Variants in LPAR2 observed in about 807,000 individuals in gnomAD.
LPAR2 encodes G protein-coupled receptor.
Under a neutral mutation model 15.6 loss-of-function variants are expected in LPAR2, and 10 were observed. The ratio of observed to expected loss-of-function variants is 0.64; its 90% CI spans 0.39 to 1.09. The LOEUF (loss-of-function observed/expected upper bound fraction) is 1.09, where lower values mean the gene tolerates loss of function less well. Among genes scored for constraint, LPAR2 ranks in the 50% least tolerant of loss-of-function variants. The pLI is 0.01. For missense variants in LPAR2, 413 were observed against 484.6 expected (o/e 0.85, Z 1.39); for synonymous variants, 204 against 207.4 (o/e 0.98, Z 0.14).
At position 19,624,521 on chromosome 19, in the gene LPAR2, T is replaced by C; in HGVS notation, c.791A>G (p.Asp264Gly). 1 of 1,613,230 alleles carries C rather than the reference T, an allele frequency of 6.2e-7. No individual in the cohort carries two copies. The change falls in exon 3 of 3, where the codon GAT becomes GGT. Residue 264 changes from aspartate to glycine, a missense_variant. Coordinates refer to ENST00000407877, the MANE Select transcript of LPAR2 (RefSeq NM_004720.7). ...ATTGCAGGACTCACAGCCTAAACCA[T>C]CCAGGAGCAGTACCACCTGGCCTGG...
rs1409943843 is a variant in LPAR2, at chr19:19,627,437, G to GA, written c.1-154dup. 10 of 708,626 alleles carry GA rather than the reference G, an allele frequency of 1.4e-5. No homozygotes were observed. The highest frequency in any genetic ancestry group is 3.5e-5 in the African/African-American group (2 of 56,842). The allele number at this position is 708,626 out of a possible 1,614,324, so 43.9% of individuals were successfully genotyped here. Reference sequence around the variant, plus strand: ...CAGTGGTGAGGACTACGGTGGCCTGGAAAAAGCAAGCTCCATGGGGCTGGG... The same window carrying GA: ...CAGTGGTGAGGACTACGGTGGCCTGGAAAAAAGCAAGCTCCATGGGGCTGGG... On this transcript the variant is annotated intron_variant, in intron 1 of 2. Coordinates refer to ENST00000407877, the MANE Select transcript of LPAR2 (RefSeq NM_004720.7). The surrounding 1 kb of genome is among the most constrained non-coding windows in gnomAD (Gnocchi z 4.7).
chr19:19,627,060 G>T lies in LPAR2; in HGVS notation c.225C>A (p.Ala75=). Residue 75 remains alanine, a synonymous_variant, in exon 2 of 3, where the codon GCC becomes GCA. Coordinates refer to ENST00000407877, the MANE Select transcript of LPAR2 (RefSeq NM_004720.7). This position sits in a 1 kb window ranked among gnomAD's most constrained non-coding sequence, Gnocchi z 4.7. ...CCACGCCCGCGAAGAGGTCAGCCGC[G>T]GCCAGATTGCCGAGCAGGTAGTAGA... The T allele has an allele frequency of 6.2e-7, 1 of 1,613,678 alleles. No homozygotes were observed.
At position 19,627,745 on chromosome 19, in the gene LPAR2, G is replaced by A. The variant is rs873870; in HGVS notation, c.-1+347C>T. On this transcript the variant is annotated intron_variant, in intron 1 of 2. Coordinates refer to ENST00000407877, the MANE Select transcript of LPAR2 (RefSeq NM_004720.7). This position sits in a 1 kb window ranked among gnomAD's most constrained non-coding sequence, Gnocchi z 4.7. The stretch of plus-strand genomic sequence containing the variant: ...GGGAGCGTGTGCACACAAGGGTGAG[G>A]TCACTTGCTAGAACCCTGCGAGGGG... 0.48 allele frequency: 87,337 copies of A among 181,368 alleles called. 21,537 individuals are homozygous for A. The highest frequency in any genetic ancestry group is 0.52 in the African/African-American group (21,830 of 41,890). 11.2% of individuals were successfully genotyped at this position (181,368 alleles called of 1,614,324 possible).
chr19:19,625,782 CAAAAAAA>C (rs34230172), intron 2 of LPAR2, among the ~76,000 whole-genome samples: 1 of 76,340 alleles, frequency 1.3e-5, no homozygotes, highest in African/African-American at 5.5e-5. Context: ...GACTCTGTCT[CAAAAAAA>C]AAAAAAAAAA....
Position 19,627,532 on chromosome 19 carries a change from T to C in LPAR2, c.1-248A>G, listed in dbSNP as rs940831633. On this transcript the variant is annotated intron_variant, in intron 1 of 2. Coordinates refer to ENST00000407877, the MANE Select transcript of LPAR2 (RefSeq NM_004720.7). The surrounding 1 kb of genome is among the most constrained non-coding windows in gnomAD (Gnocchi z 4.7). ...GTGTGCAAGACATCACCCAAGTCAA[T>C]AGGTTTTTGAACCAGAAGTGAAACA... The C allele has an allele frequency of 3.0e-5, 15 of 499,836 alleles. No homozygotes were observed. The highest frequency in any genetic ancestry group is 2.1e-4 in the African/African-American group (11 of 51,694). 31.0% of individuals were successfully genotyped at this position (499,836 alleles called of 1,614,324 possible).
chr19:19,626,471 C>G lies in LPAR2; in HGVS notation c.742+72G>C. 3 of 1,514,342 alleles carry G rather than the reference C, an allele frequency of 2.0e-6. No homozygotes were observed. The South Asian group carries it at 4.0e-5, about 20-fold the overall frequency. 93.8% of individuals were successfully genotyped at this position (1,514,342 alleles called of 1,614,324 possible). ...CCTCTATCAGGTAGCTTGTTTTGTT[C>G]ATTGCTTCGCAGTGTCTTGTGGGAG... On this transcript the variant is annotated intron_variant, in intron 2 of 2. Transcript: ENST00000407877. The surrounding 1 kb of genome is among the most constrained non-coding windows in gnomAD (Gnocchi z 5.3).
At position 19,626,322 on chromosome 19, in the gene LPAR2, GT is replaced by G. The variant is rs2061739526; in HGVS notation, c.742+220del. On this transcript the variant is annotated intron_variant, in intron 2 of 2. Transcript: ENST00000407877. The surrounding 1 kb of genome is among the most constrained non-coding windows in gnomAD (Gnocchi z 5.3). ...GGCTCTGGCCTCGTACTGCCTTGAGGTTTTTACTTTCCGTTTCCTCTGCCTG... is the reference window on the plus strand; with the variant it reads ...GGCTCTGGCCTCGTACTGCCTTGAGGTTTTACTTTCCGTTTCCTCTGCCTG... Among the ~76,000 whole-genome samples, 1 of 152,340 alleles carries G rather than the reference GT, an allele frequency of 6.6e-6. No homozygotes were observed. The highest frequency in any genetic ancestry group is 2.1e-4 in the South Asian group (1 of 4,828).
At position 19,627,554 on chromosome 19, in the gene LPAR2, AAC is replaced by A. The variant is rs1162290026; in HGVS notation, c.1-272_1-271del. The A allele has an allele frequency of 2.2e-6, 1 of 446,422 alleles. No individual in the cohort carries two copies. Among genetic ancestry groups the A allele is most frequent in the Non-Finnish European group, 4.1e-6 (1 of 245,710 alleles). The allele number at this position is 446,422 out of a possible 1,614,324, so 27.7% of individuals were successfully genotyped here. On this transcript the variant is annotated intron_variant, in intron 1 of 2. Transcript: ENST00000407877. This position sits in a 1 kb window ranked among gnomAD's most constrained non-coding sequence, Gnocchi z 4.7. ...CAATAGGTTTTTGAACCAGAAGTGA[AAC>A]AAAACCCATCTATGGTCGAATCCCA... is the stretch of plus-strand genomic sequence containing the variant.
In LPAR2 at chr19:19,624,429, ACACAGCAG is replaced by A; in HGVS notation, c.875_882del (p.Ala292ValfsTer7). The A allele has an allele frequency of 6.2e-7, 1 of 1,614,182 alleles. No individual in the cohort carries two copies. The stretch of plus-strand genomic sequence containing the variant: ...CGCATCTCAGCATCTCGGCAAGAGT[ACACAGCAG>A]CATTGACCAGGGAGTTGGCCTCGGC... On this transcript the variant is annotated frameshift_variant, in exon 3 of 3. Coordinates refer to ENST00000407877, the MANE Select transcript of LPAR2 (RefSeq NM_004720.7). LOFTEE classifies it low-confidence loss of function (END_TRUNC).
chr19:19,625,539 C>T (rs901745864), intron 2 of LPAR2, among the ~76,000 whole-genome samples: 1 of 151,914 alleles, frequency 6.6e-6, no homozygotes, highest in Non-Finnish European at 1.5e-5. Flanking sequence ...AATCCCAGCA[C>T]TTTGGGAGGC....
chr19:19,626,926 G>A lies in LPAR2; in HGVS notation c.359C>T (p.Ala120Val), dbSNP rs1452286318. 2 of 1,605,462 alleles carry A rather than the reference G, an allele frequency of 1.2e-6. No homozygotes were observed. The highest frequency in any genetic ancestry group is 1.7e-6 in the Non-Finnish European group (2 of 1,176,652). Residue 120 changes from alanine to valine, a missense_variant, in exon 2 of 3, where the codon GCC becomes GTC. Coordinates refer to ENST00000407877, the MANE Select transcript of LPAR2 (RefSeq NM_004720.7). This position sits in a 1 kb window ranked among gnomAD's most constrained non-coding sequence, Gnocchi z 5.3. Reference sequence around the variant, plus strand: ...CTCCACGGCGATGGCCAGCAGTGTGGCCACCGACGCAGTGAGGCTTGTGTC... The same window carrying A: ...CTCCACGGCGATGGCCAGCAGTGTGACCACCGACGCAGTGAGGCTTGTGTC...
rs2061728943 is a variant in LPAR2, at chr19:19,624,314, G to A, written c.998C>T (p.Ala333Val). The stretch of plus-strand genomic sequence containing the variant: ...CTCGGGAAGCATGATGCGAGTGCTG[G>A]CACCTCCCTGGGCAGAGGATGTATA... The change falls in exon 3 of 3, where the codon GCC (alanine) becomes GTC (valine). Residue 333 changes from alanine (A) to valine (V), a missense_variant. Transcript: ENST00000407877. The A allele has an allele frequency of 6.2e-7, 1 of 1,613,258 alleles. No individual in the cohort carries two copies. The highest frequency in any genetic ancestry group is 1.7e-5 in the Admixed American group (1 of 60,000).
chr19:19,626,687 CA>C lies in LPAR2; in HGVS notation c.597del (p.Val200SerfsTer67). On this transcript the variant is annotated frameshift_variant, in exon 2 of 3. Coordinates refer to ENST00000407877, the MANE Select transcript of LPAR2 (RefSeq NM_004720.7). LOFTEE classifies it high-confidence loss of function. This position sits in a 1 kb window ranked among gnomAD's most constrained non-coding sequence, Gnocchi z 5.3. The stretch of plus-strand genomic sequence containing the variant: ...TACACAGCCACCATGAGCAGGAAGA[CA>C]AGCAGGCTCGACAGAGCCCAGACGG... 1 of 1,613,656 alleles carries C rather than the reference CA, an allele frequency of 6.2e-7. No individual in the cohort carries two copies. Among genetic ancestry groups the C allele is most frequent in the Non-Finnish European group, 8.5e-7 (1 of 1,180,036 alleles).
At position 19,623,660 on chromosome 19, in the gene LPAR2, G is replaced by C. The variant is rs945808032; in HGVS notation, c.*596C>G. 1.3e-5 allele frequency: 2 copies of C among 152,524 alleles called. No homozygotes were observed. Among genetic ancestry groups the C allele is most frequent in the Non-Finnish European group, 2.9e-5 (2 of 68,320 alleles). 9.4% of individuals were successfully genotyped at this position (152,524 alleles called of 1,614,324 possible). On this transcript the variant is annotated 3_prime_UTR_variant, in exon 3 of 3. Transcript: ENST00000407877. ...TGAATTGATAACAACAAATGTTTTGGAGACCTCAGAGTGTAAAGAAAGGTT... is the reference window on the plus strand; with the variant it reads ...TGAATTGATAACAACAAATGTTTTGCAGACCTCAGAGTGTAAAGAAAGGTT...
In LPAR2 at chr19:19,624,128, G is replaced by A; in HGVS notation, c.*128C>T. ...GTGCCTGGGGAGGCCTGGCAGTGGT[G>A]CTGTGCCATGCCAGACCTTGTCCTG... On this transcript the variant is annotated 3_prime_UTR_variant, in exon 3 of 3. Transcript: ENST00000407877. The A allele has an allele frequency of 1.1e-6, 1 of 946,154 alleles. No individual in the cohort carries two copies. Among genetic ancestry groups the A allele is most frequent in the Non-Finnish European group, 1.6e-6 (1 of 619,752 alleles). The allele number at this position is 946,154 out of a possible 1,614,324, so 58.6% of individuals were successfully genotyped here.
chr19:19,626,491 TGG>T lies in LPAR2; in HGVS notation c.742+50_742+51del. 2 of 1,539,460 alleles carry T rather than the reference TGG, an allele frequency of 1.3e-6. No individual in the cohort carries two copies. Among genetic ancestry groups the T allele is most frequent in the Non-Finnish European group, 1.7e-6 (2 of 1,143,592 alleles). ...TTGTTCATTGCTTCGCAGTGTCTTG[TGG>T]GAGATAGGGGGAAGCAGGGTCCCTG... On this transcript the variant is annotated intron_variant, in intron 2 of 2. Transcript: ENST00000407877. This position sits in a 1 kb window ranked among gnomAD's most constrained non-coding sequence, Gnocchi z 5.3.
In LPAR2 at chr19:19,627,524, C is replaced by G. The variant is rs567077473; in HGVS notation, c.1-240G>C. On this transcript the variant is annotated intron_variant, in intron 1 of 2. Transcript: ENST00000407877. The surrounding 1 kb of genome is among the most constrained non-coding windows in gnomAD (Gnocchi z 4.7). ...TAAGACCTGTGTGCAAGACATCACC[C>G]AAGTCAATAGGTTTTTGAACCAGAA... is the stretch of plus-strand genomic sequence containing the variant. 1.9e-6 allele frequency: 1 copy of G among 523,098 alleles called. No homozygotes were observed. The highest frequency in any genetic ancestry group is 2.4e-5 in the South Asian group (1 of 41,940). 32.4% of individuals were successfully genotyped at this position (523,098 alleles called of 1,614,324 possible). A position where few individuals can be genotyped will look rare whatever the true frequency, so the allele number is the denominator to read the frequency against.
At chr19:19,624,705 C>T in intron 2 of LPAR2, 136 bp from the exon 3 acceptor site, 1 of 677,094 alleles carries the variant, frequency 1.5e-6, no homozygotes, top group South Asian at 1.9e-5. Context: ...TGCTTGTTTC[C>T]CTGATTCTGC....
chr19:19,625,670 C>G (rs1267488593), intron 2 of LPAR2, among the ~76,000 whole-genome samples: 2 of 149,926 alleles, frequency 1.3e-5, no homozygotes, highest in African/African-American at 4.9e-5. Flanking sequence ...GTAGTCCCAG[C>G]TACTCAGGAG....
Sources: gnomAD v4.1 joint callset for allele counts (sites outside exome capture counted in the v4.1 genomes callset) on GRCh38, gnomAD v4.1.1 for gene constraint, Gnocchi (gnomAD v3.1) non-coding constraint, MANE v1.5 for transcripts, NCBI Gene and HGNC (gene_info 2026-07-23, HGNC 2026-07-21) for gene names.